The following KANSL1 variants were observed in gnomAD, a reference collection of about 807,000 sequenced individuals.
KANSL1 encodes the protein MLL1/MLL complex subunit KANSL1.
In KANSL1, 22 loss-of-function variants were observed where a neutral mutation model predicts 103.6. The ratio of observed to expected loss-of-function variants is 0.21; its 90% confidence interval spans 0.15 to 0.30. KANSL1 has a LOEUF of 0.30. KANSL1 is among the 10% of genes least tolerant of loss of function. KANSL1 has a pLI of 1.00. For missense variants in KANSL1, 1,337 were observed against 1,399.8 expected (o/e 0.96, Z 0.72); for synonymous variants, 600 against 527.6 (o/e 1.14, Z -1.88).
chr17:46,203,556 G>A (rs555684176), intron 1 of KANSL1, among the ~76,000 whole-genome samples: 161 of 152,278 alleles, frequency 1.1e-3, no homozygotes, highest in African/African-American at 3.5e-3. Context: ...TAAGCTATGT[G>A]GTAGTCAAGA....
intron 6 of KANSL1, among the ~76,000 whole-genome samples, chr17:46,052,964 CAAAAAAAAAAAAAAAA>C (rs34473927): frequency 0.014 from 448 of 32,924 alleles, 8 homozygotes; most frequent in African/African-American, 0.028. Context: ...ATCCTGTCTC[CAAAAAAAAAAAAAAAA>C]AAAAAAAAAA....
rs71262051 is a variant in KANSL1, at chr17:46,219,250, T to TTAAAAAA, written c.-90+4420_-90+4421insTTTTTTA. On this transcript the variant is annotated intron_variant, in intron 1 of 14. Coordinates refer to the KANSL1 transcript ENST00000572904. ...ACAACAAAGCGAGACTCTTGTCTCATAAAAAAAAAAAAAGGAAGAAGAATG... is the reference window on the plus strand; with the variant it reads ...ACAACAAAGCGAGACTCTTGTCTCATTAAAAAAAAAAAAAAAAAAAGGAAGAAGAATG... Among the ~76,000 whole-genome samples, 266 of 135,176 alleles carry TTAAAAAA rather than the reference T, an allele frequency of 2.0e-3. 1 individual carries two copies. Among genetic ancestry groups the TTAAAAAA allele is most frequent in the Middle Eastern group, 3.8e-3 (1 of 260 alleles). 88.7% of individuals were successfully genotyped at this position (135,176 alleles called of 152,430 possible).
At chr17:46,066,803 C>A in intron 5 of KANSL1, 71 bp from the exon 6 acceptor site, 1 of 1,103,930 alleles carries the variant, frequency 9.1e-7, no homozygotes, top group Non-Finnish European at 1.3e-6. Flanking sequence ...CAAGAAAACA[C>A]AAAGAAACAA....
intron 2 of KANSL1, among the ~76,000 whole-genome samples, chr17:46,097,068 T>C (rs2042118630): frequency 1.3e-5 from 2 of 152,210 alleles, no homozygotes; most frequent in African/African-American, 4.8e-5. Context: ...AAACTACACA[T>C]TCCTCTGCAT....
In KANSL1 at chr17:46,030,712, A is replaced by G. The variant is rs976204534; in HGVS notation, c.*764T>C. On this transcript the variant is annotated 3_prime_UTR_variant, in exon 15 of 15. Transcript: ENST00000432791. ...ACCTTCAAAGATCAGGATAGGTGGT[A>G]AAAATATTCCAAGTGGAAGGACGGG... The G allele has an allele frequency of 2.6e-5, 4 of 152,188 alleles. No homozygotes were observed. Among genetic ancestry groups the G allele is most frequent in the African/African-American group, 7.2e-5 (3 of 41,416 alleles). The allele number at this position is 152,188 out of a possible 1,614,324, so 9.4% of individuals were successfully genotyped here. A position where few individuals can be genotyped will look rare whatever the true frequency, so the allele number is the denominator to read the frequency against.
Position 46,050,591 on chromosome 17 carries a change from C to G in KANSL1, c.1962G>C (p.Leu654=). The G allele has an allele frequency of 6.2e-7, 1 of 1,614,198 alleles. No individual in the cohort carries two copies. Among genetic ancestry groups the G allele is most frequent in the Non-Finnish European group, 8.5e-7 (1 of 1,180,028 alleles). Residue 654 remains leucine, a synonymous_variant, in exon 7 of 15, where the codon CTG becomes CTC. Transcript: ENST00000432791. Reference sequence around the variant, plus strand: ...AGTCCAACTGGGAAAGACGTTCCAACAGAGGGGCTTCATAGTGAATTTCGG... The same window carrying G: ...AGTCCAACTGGGAAAGACGTTCCAAGAGAGGGGCTTCATAGTGAATTTCGG... ...MPPEIHYEAP[L]LERLSQLDSC...
At chr17:46,108,078 G>C (rs547772837) in intron 2 of KANSL1, among the ~76,000 whole-genome samples, 7 of 152,282 alleles carry the variant, frequency 4.6e-5, no homozygotes, top group Non-Finnish European at 7.3e-5. Context: ...CATGAACATA[G>C]CAGCCAGCCT....
At chr17:46,061,245 A>T (rs904155353) in intron 6 of KANSL1, among the ~76,000 whole-genome samples, 5 of 152,172 alleles carry the variant, frequency 3.3e-5, no homozygotes, top group African/African-American at 9.7e-5. Context: ...TTTCTTTTTT[A>T]AAAAAATACT....
At chr17:46,083,416 G>C (rs2079050883) in intron 3 of KANSL1, among the ~76,000 whole-genome samples, 1 of 152,116 alleles carries the variant, frequency 6.6e-6, no homozygotes, top group Non-Finnish European at 1.5e-5. Flanking sequence ...AGCTCTTAAT[G>C]GAAATTTATT....
upstream of KANSL1, chr17:46,196,305 C>G (rs1008958318): frequency 8.8e-6 from 4 of 452,988 alleles, no homozygotes; most frequent in African/African-American, 8.0e-5. Flanking sequence ...GTCATGTTGA[C>G]TCTCCAATAT....
chr17:46,132,835 C>T (rs898522478), intron 2 of KANSL1, among the ~76,000 whole-genome samples: 2 of 152,042 alleles, frequency 1.3e-5, no homozygotes, highest in Non-Finnish European at 2.9e-5. Context: ...CCTAGCTGCT[C>T]GGGAGGCTGA....
chr17:46,034,328 C>T (rs375738524), intron 10 of KANSL1, 43 bp from the exon 11 acceptor site: 43 of 1,606,576 alleles, frequency 2.7e-5, no homozygotes, highest in Admixed American at 5.1e-5. Context: ...TACAATTTTA[C>T]AGACATCAAA....
chr17:46,177,776 C>T (rs74943972), intron 1 of KANSL1, among the ~76,000 whole-genome samples: 767 of 150,050 alleles, frequency 5.1e-3, no homozygotes, highest in Non-Finnish European at 8.2e-3. Context: ...ATCACAGTAA[C>T]ATTCTTTTTT....
Position 46,171,553 on chromosome 17 carries a change from T to C in KANSL1, c.591A>G (p.Glu197=). 1.9e-6 allele frequency: 3 copies of C among 1,610,606 alleles called. No homozygotes were observed. Among genetic ancestry groups the C allele is most frequent in the Non-Finnish European group, 2.5e-6 (3 of 1,178,434 alleles). ...TCATACCCCCCTTCAAGTCCCCAGA[T>C]TCAGATCCTCCCATTTCACCCCCAT... ...ALHGGEMGGS[E]SGDLKGGMTN... Residue 197 remains glutamate, a synonymous_variant, in exon 2 of 15, where the codon GAA becomes GAG. Coordinates refer to ENST00000432791, the MANE Select transcript of KANSL1 (RefSeq NM_015443.4).
At chr17:46,191,037 A>T (rs1262105357) in intron 1 of KANSL1, among the ~76,000 whole-genome samples, 5 of 151,836 alleles carry the variant, frequency 3.3e-5, no homozygotes, top group African/African-American at 1.2e-4. Flanking sequence ...TATTTACTTT[A>T]AAAAAAAAGT....
intron 2 of KANSL1, among the ~76,000 whole-genome samples, chr17:46,131,551 G>C (rs1249825449): frequency 6.6e-6 from 1 of 152,180 alleles, no homozygotes; most frequent in South Asian, 2.1e-4. Context: ...CTGCCAAAAT[G>C]ATTACAATGA....
At chr17:46,032,686 T>C (rs2077043151) in intron 13 of KANSL1, 1 of 328,352 alleles carries the variant, frequency 3.0e-6, no homozygotes, top group Non-Finnish European at 5.5e-6. Flanking sequence ...GACAGGGTAG[T>C]GATGGACGTT....
chr17:46,220,298 A>G (rs2048487586), intron 1 of KANSL1, among the ~76,000 whole-genome samples: 2 of 151,102 alleles, frequency 1.3e-5, no homozygotes, highest in Non-Finnish European at 2.9e-5. Context: ...CTCACTGTAA[A>G]CTCCGCCTCC....
chr17:46,153,999 C>A (rs929183844), intron 2 of KANSL1, among the ~76,000 whole-genome samples: 7 of 152,242 alleles, frequency 4.6e-5, no homozygotes, highest in Middle Eastern at 3.4e-3. Context: ...CTCAACTATA[C>A]CCCCCTCTAA....
Sources: allele counts gnomAD v4.1 joint callset (sites outside exome capture counted in the v4.1 genomes callset), GRCh38; gene constraint gnomAD v4.1.1; transcripts MANE v1.5; gene names NCBI Gene and HGNC (gene_info 2026-07-23, HGNC 2026-07-21).